Variants in LRRC49 observed in about 807,000 individuals in gnomAD.
LRRC49 encodes the protein leucine rich repeat containing 49.
Under a neutral mutation model 83.3 loss-of-function variants are expected in LRRC49, and 50 were observed. The ratio of observed to expected loss-of-function variants is 0.60; its 90% confidence interval spans 0.48 to 0.76. The LOEUF is 0.76. Among genes scored for constraint, LRRC49 ranks in the 30% least tolerant of loss-of-function variants. The pLI, the probability that LRRC49 is intolerant of heterozygous loss-of-function variation, is 0.00. For missense variants in LRRC49, 704 were observed against 809.1 expected, an observed-to-expected ratio of 0.87 and a Z score of 1.58; for synonymous variants, 286 against 283.3, an observed-to-expected ratio of 1.01 and a Z score of -0.10.
At chr15:71,008,734 G>A (rs1292772131) in intron 12 of LRRC49, 118 bp downstream of exon 12, 5 of 672,406 alleles carry the variant, frequency 7.4e-6, no homozygotes, top group Non-Finnish European at 9.8e-6. Flanking sequence ...GAAGATTTAA[G>A]TTTTGTGTTG....
chr15:70,960,466 A>C (rs889144865), intron 8 of LRRC49, among the ~76,000 whole-genome samples: 2 of 152,222 alleles, frequency 1.3e-5, no homozygotes, highest in African/African-American at 4.8e-5. Context: ...ATCAGAGCAA[A>C]ACGTGTATCA....
exon 2 of LRRC49, chr15:70,872,983 T>C: frequency 1.9e-6 from 1 of 538,148 alleles, no homozygotes; most frequent in Non-Finnish European, 3.4e-6. Context: ...CCTCCCAGGT[T>C]CAAGCAATTC....
At chr15:70,916,704 G>T (rs1482867075) in intron 6 of LRRC49, among the ~76,000 whole-genome samples, 1 of 152,130 alleles carries the variant, frequency 6.6e-6, no homozygotes, top group Non-Finnish European at 1.5e-5. Flanking sequence ...GGAGCCAGGT[G>T]GACCTGGGGA....
At chr15:71,017,584 ATATGAATAGCCAGAAAATG>A (rs1035091240) in intron 14 of LRRC49, among the ~76,000 whole-genome samples, 2 of 152,192 alleles carry the variant, frequency 1.3e-5, no homozygotes, top group Non-Finnish European at 2.9e-5. Flanking sequence ...ACAAGAAGAA[ATATGAATAGCCAGAAAATG>A]TAAGCCCAAC....
chr15:71,010,115 A>T (rs955582509), intron 13 of LRRC49, 123 bp downstream of exon 13: 2 of 525,640 alleles, frequency 3.8e-6, no homozygotes, highest in African/African-American at 2.0e-5. Context: ...GGTTTTTTTT[A>T]AATTGACATT....
At chr15:70,984,568 G>A (rs1464961346) in intron 11 of LRRC49, 1 of 175,130 alleles carries the variant, frequency 5.7e-6, no homozygotes, top group Non-Finnish European at 1.2e-5. Flanking sequence ...TGCTATTGCA[G>A]CATCACTGTC....
intron 6 of LRRC49, chr15:70,918,650 C>G (rs2034885562): frequency 6.5e-6 from 1 of 154,458 alleles, no homozygotes; most frequent in Non-Finnish European, 1.4e-5. Flanking sequence ...TTTCCCTTGC[C>G]TTTTCTGTCA....
intron 8 of LRRC49, among the ~76,000 whole-genome samples, chr15:70,949,198 T>G (rs993877084): frequency 2.0e-5 from 3 of 152,200 alleles, no homozygotes; most frequent in Admixed American, 1.3e-4. Flanking sequence ...TCCTGGTCTT[T>G]CCGAAACACT....
intron 11 of LRRC49, among the ~76,000 whole-genome samples, chr15:70,992,264 A>G (rs1487292649): frequency 6.6e-6 from 1 of 152,150 alleles, no homozygotes; most frequent in Non-Finnish European, 1.5e-5. Flanking sequence ...AACTTCCTCC[A>G]TTAGCTCGGA....
At chr15:70,905,616 A>G (rs1258104626) in intron 5 of LRRC49, among the ~76,000 whole-genome samples, 1 of 152,236 alleles carries the variant, frequency 6.6e-6, no homozygotes, top group East Asian at 1.9e-4. Flanking sequence ...GCCCTTATAA[A>G]TGAATATCCT....
At chr15:70,893,250 G>A in intron 1 of LRRC49, 1 of 560,178 alleles carries the variant, frequency 1.8e-6, no homozygotes, top group Non-Finnish European at 3.1e-6. Flanking sequence ...TTTTAACTGT[G>A]AAGAGAATTT....
intron 9 of LRRC49, 51 bp downstream of exon 9, chr15:70,963,983 A>C (rs1353218607): frequency 1.3e-6 from 2 of 1,554,870 alleles, no homozygotes; most frequent in Non-Finnish European, 8.8e-7. Flanking sequence ...AGTGTGGATT[A>C]GGAAATTGGG....
intron 1 of LRRC49, chr15:70,854,130 A>G (rs1466446904): frequency 8.3e-7 from 1 of 1,207,106 alleles, no homozygotes; most frequent in South Asian, 3.8e-5. Context: ...TCACGCCGCA[A>G]GGCCCAGCCA....
At chr15:70,907,620 T>C (rs1415863887) in intron 5 of LRRC49, 1 of 167,988 alleles carries the variant, frequency 6.0e-6, no homozygotes, top group Non-Finnish European at 1.3e-5. Context: ...TCCTTTTGAC[T>C]CCTTGAAGTT....
At chr15:70,858,913 C>G (rs1451631849) in intron 1 of LRRC49, 1 of 775,310 alleles carries the variant, frequency 1.3e-6, no homozygotes, top group East Asian at 2.4e-5. Context: ...ACCGCTGTCA[C>G]GGTCAACCAG....
At chr15:70,936,111 G>T (rs2035588571) in intron 7 of LRRC49, among the ~76,000 whole-genome samples, 1 of 152,200 alleles carries the variant, frequency 6.6e-6, no homozygotes, top group South Asian at 2.1e-4. Flanking sequence ...TTAAACAGCA[G>T]TGGTATGTTT....
intron 14 of LRRC49, among the ~76,000 whole-genome samples, chr15:71,022,793 A>G (rs1375947987): frequency 2.0e-5 from 3 of 152,224 alleles, no homozygotes; most frequent in Non-Finnish European, 2.9e-5. Flanking sequence ...AAATGCTTGA[A>G]TAATGTGATA....
chr15:71,031,547 A>G (rs2039352313), intron 14 of LRRC49, among the ~76,000 whole-genome samples: 1 of 152,166 alleles, frequency 6.6e-6, no homozygotes. Context: ...CCCTCTTGTC[A>G]GGATCAGCTG....
chr15:70,906,897 G>A (rs1043845324), intron 5 of LRRC49, among the ~76,000 whole-genome samples: 79 of 152,296 alleles, frequency 5.2e-4, no homozygotes, highest in African/African-American at 1.8e-3. Context: ...AGGAATAGCT[G>A]TGGAACAGTT....
Sources: allele counts gnomAD v4.1 joint callset (sites outside exome capture counted in the v4.1 genomes callset), GRCh38; gene constraint gnomAD v4.1.1; transcripts MANE v1.5; gene names NCBI Gene and HGNC (gene_info 2026-07-23, HGNC 2026-07-21).